The following TNKS variants were observed in gnomAD, a reference collection of about 807,000 sequenced individuals.
TNKS encodes tankyrase.
A neutral mutation model predicts 135.8 loss-of-function variants in TNKS; 72 were observed. The observed-to-expected ratio is 0.53, with a 90% confidence interval of 0.44 to 0.64. The LOEUF (loss-of-function observed/expected upper bound fraction) is 0.64, where lower values mean the gene tolerates loss of function less well. Ranked by LOEUF, TNKS falls within the 30% of genes least tolerant of loss-of-function variation. The probability of loss-of-function intolerance (pLI) is 0.00; values close to 1 mark genes in which losing one functional copy is unlikely to be tolerated. For missense variants in TNKS, 1,769 were observed against 1,674.0 expected, an observed-to-expected ratio of 1.06 and a Z score of -0.99; for synonymous variants, 849 against 649.3, an observed-to-expected ratio of 1.31 and a Z score of -4.68.
At chr8:9,622,698 T>G (rs1057357624) in intron 3 of TNKS, among the ~76,000 whole-genome samples, 29 of 152,342 alleles carry the variant, frequency 1.9e-4, no homozygotes, top group African/African-American at 7.0e-4. Context: ...TCTGTTAATA[T>G]AATGTTCTTT....
intron 6 of TNKS, among the ~76,000 whole-genome samples, chr8:9,705,340 G>A (rs1563179513): frequency 6.6e-6 from 1 of 152,180 alleles, no homozygotes; most frequent in Non-Finnish European, 1.5e-5. Context: ...TGGGTTTGCT[G>A]TCCTATGTGG....
chr8:9,575,610 C>T (rs1165810830), intron 1 of TNKS, among the ~76,000 whole-genome samples: 3 of 152,036 alleles, frequency 2.0e-5, no homozygotes, highest in Non-Finnish European at 2.9e-5. Flanking sequence ...GGAAAGGTTT[C>T]CTTAAATTTT....
intron 1 of TNKS, among the ~76,000 whole-genome samples, chr8:9,574,505 CTGTT>C (rs1203710447): frequency 7.2e-5 from 11 of 152,200 alleles, no homozygotes; most frequent in African/African-American, 2.7e-4. Flanking sequence ...CTTCACTTGT[CTGTT>C]TTTCACATAG....
chr8:9,769,782 GCTAA>G, intron 25 of TNKS, among the ~76,000 whole-genome samples: 1 of 151,852 alleles, frequency 6.6e-6, no homozygotes, highest in East Asian at 1.9e-4. Context: ...ACCACACCCG[GCTAA>G]CTTTTTGTAT....
intron 14 of TNKS, among the ~76,000 whole-genome samples, chr8:9,731,652 G>A (rs1805447768): frequency 6.6e-6 from 1 of 152,032 alleles, no homozygotes; most frequent in African/African-American, 2.4e-5. Context: ...AAATGGTGGT[G>A]CCTTCCTATA....
At chr8:9,634,180 G>C (rs1343590364) in intron 3 of TNKS, among the ~76,000 whole-genome samples, 1 of 151,172 alleles carries the variant, frequency 6.6e-6, no homozygotes, top group Non-Finnish European at 1.5e-5. Flanking sequence ...CTATAAGAAC[G>C]TGAGAACAGA....
chr8:9,672,709 CACA>C (rs1223963983), intron 3 of TNKS, among the ~76,000 whole-genome samples: 1 of 91,776 alleles, frequency 1.1e-5, no homozygotes, highest in Non-Finnish European at 2.2e-5. Flanking sequence ...CACACACACA[CACA>C]AAAAAAAAAA....
At chr8:9,655,295 C>CT (rs1481523897) in intron 3 of TNKS, among the ~76,000 whole-genome samples, 1 of 152,244 alleles carries the variant, frequency 6.6e-6, no homozygotes, top group African/African-American at 2.4e-5. Context: ...CTGCCTGCCT[C>CT]TGTAGGCTCC....
At chr8:9,732,035 G>A (rs1361243603) in intron 14 of TNKS, among the ~76,000 whole-genome samples, 6 of 152,092 alleles carry the variant, frequency 3.9e-5, no homozygotes, top group African/African-American at 7.2e-5. Context: ...GGATCCACCC[G>A]CCTCGGCCTC....
chr8:9,570,000 A>G (rs982539847), intron 1 of TNKS, among the ~76,000 whole-genome samples: 2 of 152,054 alleles, frequency 1.3e-5, no homozygotes, highest in African/African-American at 2.4e-5. Flanking sequence ...AGATCATGCA[A>G]CTGTCCACTT....
intron 3 of TNKS, among the ~76,000 whole-genome samples, chr8:9,631,636 A>C (rs529754010): frequency 6.6e-6 from 1 of 152,102 alleles, no homozygotes; most frequent in Admixed American, 6.5e-5. Flanking sequence ...CAGAATTTTA[A>C]GTTTTATATT....
At chr8:9,763,283 A>C (rs368882991) in intron 22 of TNKS, 39 bp downstream of exon 22, 14 of 1,398,302 alleles carry the variant, frequency 1.0e-5, no homozygotes, top group African/African-American at 1.4e-5. Flanking sequence ...CTTTTCTTGA[A>C]ATCTGTGGAT....
chr8:9,575,489 A>T (rs1332707232), intron 1 of TNKS: 1 of 930,100 alleles, frequency 1.1e-6, no homozygotes, highest in Non-Finnish European at 1.3e-6. Flanking sequence ...AGAAAAGATA[A>T]GGAAAAATAA....
At chr8:9,574,982 T>TGTTAGA in intron 1 of TNKS, 1 of 951,004 alleles carries the variant, frequency 1.1e-6, no homozygotes, top group Non-Finnish European at 1.3e-6. Flanking sequence ...ATGCTAAGAA[T>TGTTAGA]GTGGAAAGAT....
intron 3 of TNKS, among the ~76,000 whole-genome samples, chr8:9,668,545 A>G (rs1336546712): frequency 6.6e-6 from 1 of 152,260 alleles, no homozygotes; most frequent in African/African-American, 2.4e-5. Flanking sequence ...GACTCAGAAT[A>G]AGCAAATAAC....
chr8:9,706,330 C>A, intron 7 of TNKS, 77 bp downstream of exon 7: 1 of 1,156,642 alleles, frequency 8.6e-7, no homozygotes. Context: ...TCCATACTTT[C>A]GGCCTCATGA....
intron 2 of TNKS, among the ~76,000 whole-genome samples, chr8:9,582,164 A>C (rs1230856479): frequency 6.6e-6 from 1 of 152,230 alleles, no homozygotes; most frequent in East Asian, 1.9e-4. Context: ...GAAACCTCTT[A>C]GGAGGTTTAT....
At chr8:9,605,230 T>C (rs1380625488) in intron 2 of TNKS, among the ~76,000 whole-genome samples, 1 of 152,088 alleles carries the variant, frequency 6.6e-6, no homozygotes, top group Non-Finnish European at 1.5e-5. Context: ...TCTGACATTA[T>C]AGATTAATTT....
At chr8:9,710,094 C>T (rs1357473242) in intron 10 of TNKS, 48 bp downstream of exon 10, 16 of 1,609,778 alleles carry the variant, frequency 9.9e-6, no homozygotes, top group African/African-American at 4.0e-5. Context: ...AGAGGAAATG[C>T]AATAAAAGAG....
Sources: allele counts gnomAD v4.1 joint callset (sites outside exome capture counted in the v4.1 genomes callset), GRCh38; gene constraint gnomAD v4.1.1; transcripts MANE v1.5; gene names NCBI Gene and HGNC (gene_info 2026-07-23, HGNC 2026-07-21).